The following DYNC2LI1 variants were observed in gnomAD, a reference collection of about 807,000 sequenced individuals.
DYNC2LI1 encodes the protein dynein cytoplasmic 2 light intermediate chain 1.
In DYNC2LI1, 45 loss-of-function variants were observed where a neutral mutation model predicts 51.9. That is an observed-to-expected ratio of 0.87 (90% confidence interval 0.68 to 1.11). The LOEUF (loss-of-function observed/expected upper bound fraction) is 1.11. DYNC2LI1 is among the 50% of genes most tolerant of loss of function. The pLI is 0.00. For missense variants in DYNC2LI1, 490 were observed against 417.4 expected (o/e 1.17, Z -1.51); for synonymous variants, 130 against 137.8 (o/e 0.94, Z 0.40).
At chr2:43,784,482 C>T (rs1424813904) in intron 3 of DYNC2LI1, among the ~76,000 whole-genome samples, 4 of 151,950 alleles carry the variant, frequency 2.6e-5, no homozygotes, top group Non-Finnish European at 1.5e-5. Context: ...TCTTGTTGCC[C>T]AGGCTGGAGT....
intron 10 of DYNC2LI1, among the ~76,000 whole-genome samples, chr2:43,803,015 C>T (rs555249799): frequency 2.6e-5 from 4 of 152,106 alleles, no homozygotes; most frequent in Admixed American, 6.5e-5. Context: ...AATAGTGACA[C>T]CACCAAATAC....
chr2:43,787,889 C>T (rs183399018), intron 4 of DYNC2LI1, among the ~76,000 whole-genome samples: 165 of 152,242 alleles, frequency 1.1e-3, no homozygotes, highest in Admixed American at 2.1e-3. Flanking sequence ...ACTCTGCTAA[C>T]ACAGGCACAT....
chr2:43,787,998 G>C (rs895468377), intron 4 of DYNC2LI1, among the ~76,000 whole-genome samples: 44 of 152,244 alleles, frequency 2.9e-4, no homozygotes, highest in African/African-American at 1.0e-3. Context: ...ATGAAAGTGG[G>C]TTATTAAAAC....
At chr2:43,808,954 G>T (rs1013701474) in intron 12 of DYNC2LI1, among the ~76,000 whole-genome samples, 1 of 136,384 alleles carries the variant, frequency 7.3e-6, no homozygotes, top group African/African-American at 3.1e-5. Flanking sequence ...AAAATCACTG[G>T]GACAAAGGAT....
At chr2:43,798,316 A>G (rs1665958614) in intron 8 of DYNC2LI1, among the ~76,000 whole-genome samples, 1 of 152,084 alleles carries the variant, frequency 6.6e-6, no homozygotes, top group African/African-American at 2.4e-5. Flanking sequence ...TTCATTATGT[A>G]TTTTCTTAAA....
At chr2:43,791,334 C>G (rs1673773409) in intron 5 of DYNC2LI1, among the ~76,000 whole-genome samples, 1 of 152,264 alleles carries the variant, frequency 6.6e-6, no homozygotes, top group Admixed American at 6.5e-5. Flanking sequence ...GAGTCGCCTC[C>G]TATTCAACTG....
At chr2:43,781,847 C>T (rs13399828) in intron 2 of DYNC2LI1, 28,880 of 151,964 alleles carry the variant, frequency 0.19, 3,052 homozygotes, top group Admixed American at 0.26. Context: ...CGTGATCCAC[C>T]CGCCTCGGCC....
At chr2:43,824,918 G>C in the DYNC2LI1 span, 1 of 1,614,070 alleles carries the variant, frequency 6.2e-7, no homozygotes, top group Non-Finnish European at 8.5e-7. Context: ...TGAATGTTCA[G>C]GACAAGGGTA....
chr2:43,795,290 C>T lies in DYNC2LI1; in HGVS notation c.508-600C>T, dbSNP rs530714223. The T allele has an allele frequency of 6.2e-5, 38 of 614,606 alleles. No individual in the cohort carries two copies. The South Asian group carries it at 1.8e-3, about 29-fold the overall frequency. 38.1% of individuals were successfully genotyped at this position (614,606 alleles called of 1,614,324 possible). On this transcript the variant is annotated intron_variant, in intron 6 of 12. Transcript: ENST00000260605. Reference sequence around the variant, plus strand: ...GGTGGCCGAGGCGGGCGGATCACGACGTCAAGAGATCAAGACCATCCTGGC... The same window carrying T: ...GGTGGCCGAGGCGGGCGGATCACGATGTCAAGAGATCAAGACCATCCTGGC...
intron 12 of DYNC2LI1, among the ~76,000 whole-genome samples, chr2:43,806,169 A>G (rs1237185362): frequency 2.0e-5 from 3 of 152,224 alleles, no homozygotes; most frequent in African/African-American, 4.8e-5. Flanking sequence ...GGCATGAGCC[A>G]GTGCGCCTGG....
Position 43,774,052 on chromosome 2 carries a change from C to T in DYNC2LI1, c.-87C>T. Reference sequence around the variant, plus strand: ...CCATGGCAACCCAGAAGGCCTCACTCCCAGACTCCTTGCGGAGCTCGCCGC... The same window carrying T: ...CCATGGCAACCCAGAAGGCCTCACTTCCAGACTCCTTGCGGAGCTCGCCGC... On this transcript the variant is annotated 5_prime_UTR_variant, in exon 1 of 13. Coordinates refer to ENST00000260605, the MANE Select transcript of DYNC2LI1 (RefSeq NM_016008.4). 1.3e-6 allele frequency: 2 copies of T among 1,588,480 alleles called. No homozygotes were observed. Among genetic ancestry groups the T allele is most frequent in the Non-Finnish European group, 1.7e-6 (2 of 1,166,930 alleles).
the DYNC2LI1 span, chr2:43,823,776 C>G: frequency 2.0e-6 from 2 of 994,972 alleles, no homozygotes; most frequent in African/African-American, 3.3e-5. Context: ...GTTGCCTTTC[C>G]CCAGAGAGGG....
At chr2:43,781,607 C>CTT (rs549678206) in intron 2 of DYNC2LI1, 2 of 76,242 alleles carry the variant, frequency 2.6e-5, no homozygotes, top group Admixed American at 1.7e-4. Flanking sequence ...TTTTCTTTTT[C>CTT]TTTTTTTTTT....
At chr2:43,826,343 C>G in the DYNC2LI1 span, 6 of 1,613,050 alleles carry the variant, frequency 3.7e-6, no homozygotes, top group Non-Finnish European at 5.1e-6. Flanking sequence ...CCCAGCTCAA[C>G]ACACCATAGA....
At chr2:43,824,751 A>C in the DYNC2LI1 span, 2 of 1,463,298 alleles carry the variant, frequency 1.4e-6, no homozygotes, top group Non-Finnish European at 9.2e-7. Flanking sequence ...GACCCGGCCA[A>C]ATTGATTCCT....
Position 43,809,726 on chromosome 2 carries a change from A to T in DYNC2LI1, c.1015A>T (p.Ser339Cys), listed in dbSNP as rs577563169. Residue 339 changes from serine (S) to cysteine (C), a missense_variant, in exon 13 of 13, where the codon AGT becomes TGT. Ser to Cys is a moderately radical substitution (Grantham distance 112). Coordinates refer to ENST00000260605, the MANE Select transcript of DYNC2LI1 (RefSeq NM_016008.4). ...KDLELEQYKR[S>C]SSKSWKQIEL... ...TTAGGAACTGGAACAGTACAAAAGA[A>T]GTTCTTCCAAGTCTTGGAAACAAAT... 1 of 1,612,054 alleles carries T rather than the reference A, an allele frequency of 6.2e-7. No individual in the cohort carries two copies. Among genetic ancestry groups the T allele is most frequent in the East Asian group, 2.2e-5 (1 of 44,740 alleles).
chr2:43,803,121 G>A (rs529234394), intron 10 of DYNC2LI1, among the ~76,000 whole-genome samples: 105 of 152,226 alleles, frequency 6.9e-4, no homozygotes, highest in African/African-American at 2.4e-3. Context: ...AGTTTCTTAC[G>A]AAACTAAACA....
chr2:43,802,773 A>G (rs975157104), intron 10 of DYNC2LI1, among the ~76,000 whole-genome samples: 2 of 152,188 alleles, frequency 1.3e-5, no homozygotes, highest in Non-Finnish European at 2.9e-5. Flanking sequence ...AGAATTTCAA[A>G]CCACATATAT....
chr2:43,776,382 C>T (rs555435114), intron 1 of DYNC2LI1, among the ~76,000 whole-genome samples: 14 of 152,240 alleles, frequency 9.2e-5, no homozygotes, highest in African/African-American at 3.4e-4. Context: ...TTATTTGATA[C>T]ACTGGTTTTG....
Sources: gnomAD v4.1 joint callset for allele counts (sites outside exome capture counted in the v4.1 genomes callset) on GRCh38, gnomAD v4.1.1 for gene constraint, MANE v1.5 for transcripts, NCBI Gene and HGNC (gene_info 2026-07-23, HGNC 2026-07-21) for gene names.